CDC73: variants seen among roughly 807,000 people sequenced by gnomAD.
CDC73 encodes parafibromin.
In CDC73, 21 loss-of-function variants were observed where a neutral mutation model predicts 83.7. The ratio of observed to expected loss-of-function variants is 0.25; its 90% CI spans 0.18 to 0.36. CDC73 has a LOEUF of 0.36. CDC73 is among the 10% of genes least tolerant of loss of function. The pLI is 1.00. For missense variants in CDC73, 342 were observed against 653.3 expected (o/e 0.52, Z 5.19); for synonymous variants, 224 against 212.9 (o/e 1.05, Z -0.45).
chr1:193,177,380 A>AAAAAAAC (rs1676625257), intron 10 of CDC73, among the ~76,000 whole-genome samples: 1 of 144,780 alleles, frequency 6.9e-6, no homozygotes. Context: ...AAAAAAAAAA[A>AAAAAAAC]TCAGCCGGGC....
chr1:193,165,129 A>G (rs1010186737), intron 10 of CDC73, among the ~76,000 whole-genome samples: 4 of 152,172 alleles, frequency 2.6e-5, no homozygotes, highest in Admixed American at 1.3e-4. Context: ...GGCTCAAGCC[A>G]TCCTCCTGCC....
At chr1:193,175,785 G>T (rs948453218) in intron 10 of CDC73, among the ~76,000 whole-genome samples, 2 of 152,172 alleles carry the variant, frequency 1.3e-5, no homozygotes, top group African/African-American at 2.4e-5. Context: ...TTTGGTGTCT[G>T]CAGAGAGTCC....
At position 193,179,038 on chromosome 1, in the gene CDC73, C is replaced by A. The variant is rs1676662566; in HGVS notation, c.973-24757C>A. 3 of 152,270 alleles carry A rather than the reference C, an allele frequency of 2.0e-5. 1 individual carries two copies. In the South Asian group the frequency reaches 6.2e-4, roughly 32 times the overall value. 9.4% of individuals were successfully genotyped at this position (152,270 alleles called of 1,614,324 possible). A position where few individuals can be genotyped will look rare whatever the true frequency, so the allele number is the denominator to read the frequency against. On this transcript the variant is annotated intron_variant, in intron 10 of 16. Coordinates refer to ENST00000367435, the MANE Select transcript of CDC73 (RefSeq NM_024529.5). ...AAAATTATTGTGAAAATACTTATAA[C>A]ACTCAGTAAAGTTTTTTGTTTTCCT...
intron 10 of CDC73, among the ~76,000 whole-genome samples, chr1:193,201,971 C>T (rs1050253396): frequency 6.6e-6 from 1 of 152,108 alleles, no homozygotes; most frequent in South Asian, 2.1e-4. Flanking sequence ...TAGCCAGACT[C>T]ATGGTTAAAT....
chr1:193,202,538 C>T (rs1677109620), intron 10 of CDC73, among the ~76,000 whole-genome samples: 1 of 150,588 alleles, frequency 6.6e-6, no homozygotes. Flanking sequence ...GTAGTAAATA[C>T]ACCAATATAT....
Position 193,141,943 on chromosome 1 carries a change from T to A in CDC73, c.606T>A (p.Asp202Glu). 1 of 1,613,846 alleles carries A rather than the reference T, an allele frequency of 6.2e-7. No individual in the cohort carries two copies. The highest frequency in any genetic ancestry group is 8.5e-7 in the Non-Finnish European group (1 of 1,179,802). Reference protein sequence around the residue: ...KKRSTIKTDLDDDITALKQRS... With the variant: ...KKRSTIKTDLEDDITALKQRS... ...GATCTACTATCAAGACTGATCTAGA[T>A]GATGACATAACTGCCCTTAAACAGA... Residue 202 changes from aspartate to glutamate, a missense_variant, in exon 7 of 17, where the codon GAT becomes GAA. Physicochemically the swap from Asp to Glu is conservative, Grantham distance 45. Around this residue, in one of 3 missense-constraint regions of CDC73, gnomAD observed 239 missense variants for 420.6 expected, o/e 0.57. Transcript: ENST00000367435.
chr1:193,205,675 G>T (rs1248523204), intron 11 of CDC73, among the ~76,000 whole-genome samples: 1 of 152,096 alleles, frequency 6.6e-6, no homozygotes, highest in African/African-American at 2.4e-5. Context: ...TTTCAGTAGG[G>T]ATGATCATAC....
At chr1:193,154,429 A>G (rs1368133318) in intron 10 of CDC73, among the ~76,000 whole-genome samples, 1 of 152,192 alleles carries the variant, frequency 6.6e-6, no homozygotes, top group Non-Finnish European at 1.5e-5. Flanking sequence ...TATGAGAATG[A>G]TGTGATTCTG....
intron 1 of CDC73, among the ~76,000 whole-genome samples, chr1:193,122,712 AT>A (rs540020943): frequency 2.7e-5 from 4 of 148,416 alleles, no homozygotes; most frequent in African/African-American, 2.5e-5. Flanking sequence ...TTTGTTCTTT[AT>A]TTTTTTTTTC....
At chr1:193,244,265 C>T (rs1185877758) in intron 15 of CDC73, among the ~76,000 whole-genome samples, 3 of 152,206 alleles carry the variant, frequency 2.0e-5, no homozygotes, top group Admixed American at 6.5e-5. Context: ...GATTATATCA[C>T]CTGCCGAACA....
intron 10 of CDC73, among the ~76,000 whole-genome samples, chr1:193,194,333 G>A (rs547237944): frequency 2.4e-4 from 36 of 152,288 alleles, no homozygotes; most frequent in African/African-American, 7.9e-4. Flanking sequence ...CTGAGAGGCA[G>A]TGATTTTCTC....
At chr1:193,162,288 G>GTATATAATATAAT (rs1676347227) in intron 10 of CDC73, among the ~76,000 whole-genome samples, 1 of 119,664 alleles carries the variant, frequency 8.4e-6, no homozygotes, top group Non-Finnish European at 1.6e-5. Context: ...TAGTATATAT[G>GTATATAATATAAT]ATATATTATA....
chr1:193,161,631 T>C (rs1463266141), intron 10 of CDC73, among the ~76,000 whole-genome samples: 3 of 9,604 alleles, frequency 3.1e-4, no homozygotes, highest in East Asian at 2.2e-3. Context: ...ATGATAGATA[T>C]ATAATATATT....
At chr1:193,157,372 C>T (rs1676226188) in intron 10 of CDC73, among the ~76,000 whole-genome samples, 1 of 152,174 alleles carries the variant, frequency 6.6e-6, no homozygotes, top group African/African-American at 2.4e-5. Context: ...TTTTAGCATG[C>T]TTCTGATGGA....
chr1:193,147,362 GT>G (rs938278913), intron 7 of CDC73, among the ~76,000 whole-genome samples: 23 of 144,650 alleles, frequency 1.6e-4, no homozygotes, highest in African/African-American at 2.5e-4. Flanking sequence ...ATTTGTAGCA[GT>G]TTTTTTTTTC....
intron 13 of CDC73, among the ~76,000 whole-genome samples, chr1:193,232,453 C>CACAT (rs1333591720): frequency 6.6e-6 from 1 of 151,914 alleles, no homozygotes; most frequent in South Asian, 2.1e-4. Context: ...GTGTTACACA[C>CACAT]ACATACACAC....
At chr1:193,227,398 G>A (rs1442860621) in intron 13 of CDC73, among the ~76,000 whole-genome samples, 1 of 151,894 alleles carries the variant, frequency 6.6e-6, no homozygotes, top group Non-Finnish European at 1.5e-5. Flanking sequence ...TTGGGAGGCT[G>A]AGGTGGGAAG....
chr1:193,230,481 T>G (rs1677644176), intron 13 of CDC73, among the ~76,000 whole-genome samples: 1 of 97,142 alleles, frequency 1.0e-5, no homozygotes, highest in African/African-American at 3.2e-5. Flanking sequence ...TTTTTTTTTT[T>G]TTTTGCAAAG....
intron 8 of CDC73, 23 bp from the exon 9 acceptor site, chr1:193,150,281 A>G: frequency 7.8e-4 from 966 of 1,237,788 alleles, no homozygotes; most frequent in Non-Finnish European, 1.1e-3. Context: ...TTAACAAGTA[A>G]CTCATAATTA....
Sources: gnomAD v4.1 joint callset for allele counts (sites outside exome capture counted in the v4.1 genomes callset) on GRCh38, gnomAD v4.1.1 for gene constraint, gnomAD v4.1.1 regional missense constraint, MANE v1.5 for transcripts, NCBI Gene and HGNC (gene_info 2026-07-23, HGNC 2026-07-21) for gene names.